The following NLGN4Y variants were observed in gnomAD, a reference collection of about 807,000 sequenced individuals.
The protein encoded by NLGN4Y is neuroligin-4, Y-linked.
Under a neutral mutation model 8.4 loss-of-function variants are expected in NLGN4Y, and 4 were observed. The observed-to-expected ratio is 0.48, with a 90% CI of 0.23 to 1.09. The LOEUF is 1.09. Ranked by LOEUF, NLGN4Y falls within the 50% of genes least tolerant of loss-of-function variation. NLGN4Y has a pLI of 0.19. For missense variants in NLGN4Y, 90 were observed against 192.3 expected, an observed-to-expected ratio of 0.47 and a Z score of 3.15; for synonymous variants, 35 against 75.6, an observed-to-expected ratio of 0.46 and a Z score of 2.78.
intron 1 of NLGN4Y, among the ~76,000 whole-genome samples, chrY:14,574,614 G>A: frequency 3.0e-5 from 1 of 33,304 alleles, no homozygotes; most frequent in Admixed American, 2.7e-4. Flanking sequence ...GCCTTGTTAT[G>A]TATGAATTTG....
At chrY:14,757,161 T>G (rs1047236051) in intron 4 of NLGN4Y, among the ~76,000 whole-genome samples, 1 of 30,176 alleles carries the variant, frequency 3.3e-5, no homozygotes, top group Non-Finnish European at 7.9e-5. Context: ...TTTTTAGTTT[T>G]TGTGTGTGTG....
At chrY:14,727,268 G>T (rs2080958199) in intron 4 of NLGN4Y, among the ~76,000 whole-genome samples, 1 of 32,805 alleles carries the variant, frequency 3.0e-5, no homozygotes, top group African/African-American at 1.2e-4. Flanking sequence ...ACAATTTTAA[G>T]TATGAGTTTC....
intron 2 of NLGN4Y, among the ~76,000 whole-genome samples, chrY:14,683,448 G>A (rs2080776911): frequency 3.0e-5 from 1 of 33,527 alleles, no homozygotes; most frequent in African/African-American, 1.2e-4. Context: ...AAATACCTAC[G>A]TAATTGGTTT....
chrY:14,787,714 T>A (rs2042972474), intron 4 of NLGN4Y, among the ~76,000 whole-genome samples: 2 of 33,533 alleles, frequency 6.0e-5, no homozygotes, highest in African/African-American at 2.3e-4. Context: ...GTCTCTTTAC[T>A]GAACTTCTGG....
At chrY:14,799,546 TTTCC>T (rs2043023718) in intron 4 of NLGN4Y, among the ~76,000 whole-genome samples, 1 of 33,537 alleles carries the variant, frequency 3.0e-5, no homozygotes, top group African/African-American at 1.2e-4. Flanking sequence ...TATTAGTATT[TTTCC>T]CAACCCATCA....
chrY:14,663,048 C>T, intron 2 of NLGN4Y, among the ~76,000 whole-genome samples: 1 of 33,456 alleles, frequency 3.0e-5, no homozygotes, highest in Non-Finnish European at 7.4e-5. Flanking sequence ...TGTCTGATAA[C>T]CATCTTTTGA....
chrY:14,756,072 G>C, intron 4 of NLGN4Y, among the ~76,000 whole-genome samples: 1 of 33,428 alleles, frequency 3.0e-5, no homozygotes, highest in Non-Finnish European at 7.4e-5. Flanking sequence ...CTTACTTGCT[G>C]TTAGTACCTT....
intron 1 of NLGN4Y, among the ~76,000 whole-genome samples, chrY:14,538,505 T>G (rs2080139778): frequency 2.9e-5 from 1 of 34,290 alleles, no homozygotes; most frequent in Non-Finnish European, 7.3e-5. Flanking sequence ...CATTAAAAGC[T>G]GCATTTGATG....
At chrY:14,669,921 T>G (rs772770932) in intron 2 of NLGN4Y, among the ~76,000 whole-genome samples, 1 of 34,358 alleles carries the variant, frequency 2.9e-5, no homozygotes, top group African/African-American at 1.1e-4. Flanking sequence ...CCATGAAAAA[T>G]GGCTTCTCCA....
At chrY:14,649,157 C>T (rs2080620833) in intron 2 of NLGN4Y, among the ~76,000 whole-genome samples, 1 of 33,005 alleles carries the variant, frequency 3.0e-5, no homozygotes, top group Non-Finnish European at 7.4e-5. Context: ...TTGATTTCTT[C>T]AGTTTTCACC....
chrY:14,626,031 A>G, intron 2 of NLGN4Y, among the ~76,000 whole-genome samples: 1 of 33,889 alleles, frequency 3.0e-5, no homozygotes, highest in Non-Finnish European at 7.3e-5. Context: ...ATCCTTGGAC[A>G]TACATCTTAA....
intron 4 of NLGN4Y, among the ~76,000 whole-genome samples, chrY:14,772,902 A>T: frequency 3.0e-5 from 1 of 33,443 alleles, no homozygotes; most frequent in African/African-American, 1.2e-4. Context: ...AAAATTAGGT[A>T]TTGATGGAAT....
chrY:14,828,051 C>T, intron 5 of NLGN4Y, among the ~76,000 whole-genome samples: 2 of 32,924 alleles, frequency 6.1e-5, no homozygotes, highest in African/African-American at 1.2e-4. Context: ...ATATTGGGCT[C>T]AGCTATTCAA....
At chrY:14,771,303 A>G (rs2081107399) in intron 4 of NLGN4Y, among the ~76,000 whole-genome samples, 1 of 32,155 alleles carries the variant, frequency 3.1e-5, no homozygotes, top group South Asian at 7.3e-4. Flanking sequence ...CCAGAGAGAA[A>G]GTCTGGGTTA....
intron 1 of NLGN4Y, among the ~76,000 whole-genome samples, chrY:14,557,533 T>A (rs2080214148): frequency 3.0e-5 from 1 of 33,341 alleles, no homozygotes; most frequent in Non-Finnish European, 7.4e-5. Context: ...TAAATAACTC[T>A]TTTTGAAAAT....
intron 1 of NLGN4Y, among the ~76,000 whole-genome samples, chrY:14,597,066 G>A (rs751726646): frequency 3.1e-5 from 1 of 32,524 alleles, no homozygotes; most frequent in Non-Finnish European, 7.5e-5. Flanking sequence ...GATGTGTTCA[G>A]AGTTTCTTCC....
intron 4 of NLGN4Y, among the ~76,000 whole-genome samples, chrY:14,805,303 A>G: frequency 9.0e-5 from 3 of 33,340 alleles, no homozygotes; most frequent in African/African-American, 2.4e-4. Flanking sequence ...GGTGAGCTCA[A>G]TGTAATAGAA....
intron 2 of NLGN4Y, among the ~76,000 whole-genome samples, chrY:14,629,885 G>C (rs771076872): frequency 3.0e-5 from 1 of 33,705 alleles, no homozygotes; most frequent in East Asian, 8.0e-4. Context: ...TTGAGGAGCA[G>C]TTATATGCCA....
At chrY:14,745,220 G>T (rs2081020523) in intron 4 of NLGN4Y, among the ~76,000 whole-genome samples, 1 of 33,831 alleles carries the variant, frequency 3.0e-5, no homozygotes, top group African/African-American at 1.1e-4. Context: ...ACTTATCATT[G>T]ATACTAAATC....
Sources: allele counts gnomAD v4.1 joint callset (sites outside exome capture counted in the v4.1 genomes callset), GRCh38; gene constraint gnomAD v4.1.1; transcripts MANE v1.5; gene names NCBI Gene and HGNC (gene_info 2026-07-23, HGNC 2026-07-21).